The following CCDC158 variants were observed in gnomAD, a reference collection of about 807,000 sequenced individuals.
CCDC158 encodes the protein coiled-coil domain-containing protein 158.
Under a neutral mutation model 138.6 loss-of-function variants are expected in CCDC158, and 116 were observed. The ratio of observed to expected loss-of-function variants is 0.84; its 90% confidence interval spans 0.72 to 0.98. The LOEUF (loss-of-function observed/expected upper bound fraction) is 0.98. CCDC158 is among the 50% of genes least tolerant of loss of function. The pLI, the probability that CCDC158 is intolerant of heterozygous loss-of-function variation, is 0.00. For missense variants in CCDC158, 1,265 were observed against 1,306.1 expected (o/e 0.97, Z 0.48); for synonymous variants, 436 against 442.4 (o/e 0.99, Z 0.18).
intron 18 of CCDC158, among the ~76,000 whole-genome samples, chr4:76,335,555 T>C (rs557249126): frequency 6.6e-6 from 1 of 152,266 alleles, no homozygotes; most frequent in Admixed American, 6.5e-5. Flanking sequence ...GAGTGACTGA[T>C]GCTTTACAAT....
intron 18 of CCDC158, among the ~76,000 whole-genome samples, chr4:76,350,078 T>A (rs1336651431): frequency 6.6e-6 from 1 of 152,216 alleles, no homozygotes; most frequent in Non-Finnish European, 1.5e-5. Context: ...TACATATTTT[T>A]AAAAATAAAA....
At chr4:76,321,481 T>C (rs1363538924) in intron 24 of CCDC158, among the ~76,000 whole-genome samples, 2 of 151,242 alleles carry the variant, frequency 1.3e-5, no homozygotes, top group African/African-American at 4.9e-5. Context: ...AAATTCACAA[T>C]TGCAAAAATA....
intron 24 of CCDC158, among the ~76,000 whole-genome samples, chr4:76,321,921 T>G (rs1409955197): frequency 6.6e-6 from 1 of 151,280 alleles, no homozygotes; most frequent in Non-Finnish European, 1.5e-5. Context: ...AAAACAAACA[T>G]TGTATGTTCT....
chr4:76,396,467 A>G lies in CCDC158; in HGVS notation c.90T>C (p.Phe30=). ...TTATTGTACCACGAATAGATGACACAAAAAATGAACTTGAAGAACCTAAAT... is the reference window on the plus strand; with the variant it reads ...TTATTGTACCACGAATAGATGACACGAAAAATGAACTTGAAGAACCTAAAT... ...TSNGGSSSSF[F]VSSIRGTIIE... The change falls in exon 4 of 25, where the codon TTT becomes TTC. Residue 30 remains phenylalanine, a synonymous_variant. Coordinates refer to ENST00000682701, the MANE Select transcript of CCDC158 (RefSeq NM_001394954.1). 1 of 1,604,822 alleles carries G rather than the reference A, an allele frequency of 6.2e-7. No homozygotes were observed. The highest frequency in any genetic ancestry group is 8.5e-7 in the Non-Finnish European group (1 of 1,177,454).
intron 18 of CCDC158, among the ~76,000 whole-genome samples, chr4:76,342,003 T>C (rs767111156): frequency 1.3e-5 from 2 of 152,206 alleles, no homozygotes; most frequent in Non-Finnish European, 2.9e-5. Flanking sequence ...CAGTACAGTA[T>C]AATAATTAAG....
chr4:76,418,944 G>A (rs1729905205), intron 1 of CCDC158, among the ~76,000 whole-genome samples: 1 of 152,110 alleles, frequency 6.6e-6, no homozygotes, highest in African/African-American at 2.4e-5. Context: ...ATGACTAGCG[G>A]TTGCTTTTAG....
intron 24 of CCDC158, 38 bp from the exon 25 acceptor site, chr4:76,313,284 T>C: frequency 7.7e-7 from 1 of 1,294,694 alleles, no homozygotes; most frequent in Non-Finnish European, 1.1e-6. Flanking sequence ...TAACAAAATC[T>C]ACTTAGGCTT....
chr4:76,388,586 A>G (rs1448763883), intron 4 of CCDC158, among the ~76,000 whole-genome samples: 1 of 152,156 alleles, frequency 6.6e-6, no homozygotes, highest in Non-Finnish European at 1.5e-5. Flanking sequence ...AACATAAGGT[A>G]AACTCCTAAG....
intron 22 of CCDC158, among the ~76,000 whole-genome samples, chr4:76,326,256 A>C (rs1352249765): frequency 6.6e-6 from 1 of 152,152 alleles, no homozygotes; most frequent in Non-Finnish European, 1.5e-5. Flanking sequence ...TCCTCTTTCT[A>C]ATGTGATTAA....
chr4:76,315,499 A>T (rs939222236), intron 24 of CCDC158, among the ~76,000 whole-genome samples: 1 of 152,186 alleles, frequency 6.6e-6, no homozygotes, highest in South Asian at 2.1e-4. Context: ...CTGGAGGCCA[A>T]CCAACTCCGA....
At chr4:76,401,520 T>G in intron 3 of CCDC158, 1 of 215,572 alleles carries the variant, frequency 4.6e-6, no homozygotes, top group South Asian at 7.2e-5. Flanking sequence ...AAGCAAGCCC[T>G]TGAACTGGCT....
intron 14 of CCDC158, 90 bp downstream of exon 14, chr4:76,357,284 G>T: frequency 1.3e-6 from 1 of 780,730 alleles, no homozygotes. Context: ...GTGAAGAGGT[G>T]GTAGGTAACG....
chr4:76,373,016 T>C (rs1182885243), intron 9 of CCDC158, among the ~76,000 whole-genome samples: 5 of 152,158 alleles, frequency 3.3e-5, no homozygotes, highest in African/African-American at 9.7e-5. Context: ...GGCCAGCTAA[T>C]TTTTGTATTT....
intron 10 of CCDC158, 113 bp downstream of exon 10, chr4:76,371,304 T>C (rs1460791372): frequency 2.0e-6 from 2 of 999,870 alleles, no homozygotes; most frequent in South Asian, 1.6e-5. Context: ...ATTGCATGTA[T>C]GCACAAATAT....
rs1480485504 is a variant in CCDC158 at position 76,319,129 on chromosome 4, A to G, written c.3277+4173T>C. On this transcript the variant is annotated intron_variant, in intron 24 of 24. Transcript: ENST00000682701. Reference sequence around the variant, plus strand: ...CTATTAAAAATGCAAAAAATTAGCCAGGCGTGCTGGTGGGCGCCTGTAGTC... The same window carrying G: ...CTATTAAAAATGCAAAAAATTAGCCGGGCGTGCTGGTGGGCGCCTGTAGTC... Among the ~76,000 whole-genome samples, 17 of 152,142 alleles carry G rather than the reference A, an allele frequency of 1.1e-4. No individual in the cohort carries two copies. In the East Asian group the frequency reaches 3.3e-3, roughly 29 times the overall value.
rs1421349147 is a variant in CCDC158 at position 76,403,224 on chromosome 4, TC to T, written c.-18del. 1.3e-6 allele frequency: 2 copies of T among 1,538,364 alleles called. No individual in the cohort carries two copies. The highest frequency in any genetic ancestry group is 1.8e-6 in the Non-Finnish European group (2 of 1,120,258). On this transcript the variant is annotated 5_prime_UTR_variant, in exon 3 of 25. Coordinates refer to ENST00000682701, the MANE Select transcript of CCDC158 (RefSeq NM_001394954.1). ...TGATTCCATATTAAATATTGCTACT[TC>T]TTATTAGAGATCTTGAAGTATGAAT...
chr4:76,334,024 G>A lies in CCDC158; in HGVS notation c.2808C>T (p.Ala936=), dbSNP rs1476147047. 1.2e-6 allele frequency: 2 copies of A among 1,610,916 alleles called. No individual in the cohort carries two copies. The highest frequency in any genetic ancestry group is 4.5e-5 in the East Asian group (2 of 44,838). ...CACAGCCTTACACAGCCACATACAA[G>A]GCTCCCAGAGATGTTCTTCCATCTT... ...TEEDGRTSLG[A]LYVAVEDRVR... is the part of the protein sequence containing the mutation. Residue 936 remains alanine (A), a synonymous_variant, in exon 19 of 25, where the codon GCC becomes GCT. Transcript: ENST00000682701.
chr4:76,318,899 G>C (rs1164932015), intron 24 of CCDC158, among the ~76,000 whole-genome samples: 1 of 152,220 alleles, frequency 6.6e-6, no homozygotes, highest in Non-Finnish European at 1.5e-5. Context: ...GGAGGCCAAG[G>C]TGGGCAGATC....
At chr4:76,344,162 G>T (rs903489713) in intron 18 of CCDC158, among the ~76,000 whole-genome samples, 1 of 152,092 alleles carries the variant, frequency 6.6e-6, no homozygotes, top group African/African-American at 2.4e-5. Flanking sequence ...AAAGTCTCAG[G>T]ATACAAAATC....
Sources: allele counts gnomAD v4.1 joint callset (sites outside exome capture counted in the v4.1 genomes callset), GRCh38; gene constraint gnomAD v4.1.1; transcripts MANE v1.5; gene names NCBI Gene and HGNC (gene_info 2026-07-23, HGNC 2026-07-21).